ABCC1: variants seen among roughly 807,000 people sequenced by gnomAD.
ABCC1 encodes ATP binding cassette subfamily C member 1 (ABCC1 blood group), also known as multidrug resistance-associated protein 1.
In ABCC1, 83 loss-of-function variants were observed where a neutral mutation model predicts 172.9. The observed-to-expected ratio is 0.48, with a 90% CI of 0.40 to 0.58. The LOEUF (loss-of-function observed/expected upper bound fraction) is 0.58, where lower values mean the gene tolerates loss of function less well. ABCC1 is among the 20% of genes least tolerant of loss of function. ABCC1 has a pLI of 0.00. For synonymous variants in ABCC1, 937 were observed against 825.2 expected (o/e 1.14, Z -2.32); for missense variants, 1,817 against 2,002.7 (o/e 0.91, Z 1.77).
In ABCC1 at chr16:16,048,268, C is replaced by T. The variant is rs1272205696; in HGVS notation, c.1345C>T (p.Leu449=). 6.2e-7 allele frequency: 1 copy of T among 1,614,170 alleles called. No homozygotes were observed. Residue 449 remains leucine (L), a synonymous_variant, in exon 10 of 31, where the codon CTG becomes TTG. Coordinates refer to ENST00000399410, the MANE Select transcript of ABCC1 (RefSeq NM_004996.4). Reference sequence around the variant, plus strand: ...CATTAACATGATCTGGTCAGCCCCCCTGCAAGTCATCCTTGCTCTCTACCT... The same window carrying T: ...CATTAACATGATCTGGTCAGCCCCCTTGCAAGTCATCCTTGCTCTCTACCT... The part of the protein sequence containing the change: ...TYINMIWSAP[L]QVILALYLLW...
intron 29 of ABCC1, 83 bp downstream of exon 29, chr16:16,136,727 T>C: frequency 6.8e-7 from 1 of 1,470,516 alleles, no homozygotes; most frequent in Non-Finnish European, 9.1e-7. Context: ...TCTGTCCAGA[T>C]CTGTGTCACC....
At chr16:16,075,460 A>G (rs1183998006) in intron 14 of ABCC1, among the ~76,000 whole-genome samples, 2 of 151,848 alleles carry the variant, frequency 1.3e-5, no homozygotes, top group Admixed American at 6.6e-5. Flanking sequence ...CCCCACCTCT[A>G]CAAAAAATAC....
rs534890387 is a variant in ABCC1, at chr16:16,083,017, T to C, written c.2116-349T>C. Among the ~76,000 whole-genome samples, 118 of 152,326 alleles carry C rather than the reference T, an allele frequency of 7.7e-4. 1 individual carries two copies. Among genetic ancestry groups the C allele is most frequent in the Middle Eastern group, 3.4e-3 (1 of 294 alleles). On this transcript the variant is annotated intron_variant, in intron 16 of 30. Coordinates refer to ENST00000399410, the MANE Select transcript of ABCC1 (RefSeq NM_004996.4). ...TCCACCGTAACTGTAATCAAGTAGT[T>C]TTCCGTCACCTGAGGGACTTCCACT...
intron 1 of ABCC1, among the ~76,000 whole-genome samples, chr16:15,993,291 G>A (rs1567292489): frequency 6.6e-6 from 1 of 152,158 alleles, no homozygotes; most frequent in Non-Finnish European, 1.5e-5. Context: ...TCCGTCTCTT[G>A]GCTGCCGGGA....
intron 5 of ABCC1, among the ~76,000 whole-genome samples, chr16:16,023,618 C>A (rs1032303470): frequency 1.3e-5 from 2 of 152,176 alleles, no homozygotes; most frequent in Non-Finnish European, 2.9e-5. Flanking sequence ...TTGACCACTG[C>A]CCTGGAGGAG....
chr16:16,064,141 G>A (rs2151939655), intron 12 of ABCC1, among the ~76,000 whole-genome samples: 1 of 152,302 alleles, frequency 6.6e-6, no homozygotes, highest in East Asian at 1.9e-4. Flanking sequence ...TAGGGAGTGG[G>A]CTGGAGTGTA....
chr16:16,073,711 C>G (rs907124715), intron 14 of ABCC1, among the ~76,000 whole-genome samples: 2 of 152,162 alleles, frequency 1.3e-5, no homozygotes, highest in African/African-American at 2.4e-5. Flanking sequence ...GAGCTATGAT[C>G]ATGCCACTGT....
intron 1 of ABCC1, among the ~76,000 whole-genome samples, chr16:15,985,344 T>C (rs1874001): frequency 0.1 from 15,532 of 152,194 alleles, 1,111 homozygotes; most frequent in African/African-American, 0.21. Flanking sequence ...GGTATTGAGA[T>C]GTGAACAAGC....
In ABCC1 at chr16:16,005,090, G is replaced by A. The variant is rs1385237632; in HGVS notation, c.49-2726G>A. Among the ~76,000 whole-genome samples the A allele has an allele frequency of 8.0e-4, 100 of 125,500 alleles. 1 individual carries two copies. Among genetic ancestry groups the A allele is most frequent in the African/African-American group, 2.4e-3 (87 of 36,304 alleles). 82.3% of individuals were successfully genotyped at this position (125,500 alleles called of 152,430 possible). A position where few individuals can be genotyped will look rare whatever the true frequency, so the allele number is the denominator to read the frequency against. On this transcript the variant is annotated intron_variant, in intron 1 of 30. Coordinates refer to ENST00000399410, the MANE Select transcript of ABCC1 (RefSeq NM_004996.4). ...TTAACTTTTTTTTTTTTTTGATATG[G>A]CTTTAAAGCTCTGTGGAGCTGTAAG...
chr16:15,952,716 TAA>T (rs57105111), intron 1 of ABCC1, among the ~76,000 whole-genome samples: 3,395 of 40,134 alleles, frequency 0.085, 195 homozygotes, highest in African/African-American at 0.1. Context: ...GTGAGTTCAT[TAA>T]AAAAAAAAAA....
chr16:15,949,936 G>C, intron 1 of ABCC1, 137 bp downstream of exon 1: 2 of 690,822 alleles, frequency 2.9e-6, no homozygotes, highest in African/African-American at 1.9e-5. Flanking sequence ...CCCTCACGTC[G>C]CCCGCGGCCC....
intron 23 of ABCC1, 31 bp downstream of exon 23, chr16:16,115,107 A>G (rs1455740774): frequency 1.9e-6 from 3 of 1,602,404 alleles, no homozygotes; most frequent in Non-Finnish European, 2.6e-6. Context: ...GTTCGGGACA[A>G]GCCCTACTGT....
intron 19 of ABCC1, 30 bp downstream of exon 19, chr16:16,090,618 CAG>C (rs745606043): frequency 6.5e-7 from 1 of 1,537,822 alleles, no homozygotes; most frequent in South Asian, 1.2e-5. Flanking sequence ...TCCACCCACT[CAG>C]GGTGTCTGGC....
chr16:16,110,345 A>G (rs1289649280), intron 21 of ABCC1, among the ~76,000 whole-genome samples: 4 of 151,834 alleles, frequency 2.6e-5, no homozygotes, highest in Admixed American at 1.3e-4. Context: ...CAGCCCCTCA[A>G]AGTGCTGGGA....
chr16:15,976,206 G>T (rs940407185), intron 1 of ABCC1, among the ~76,000 whole-genome samples: 1 of 152,174 alleles, frequency 6.6e-6, no homozygotes, highest in Non-Finnish European at 1.5e-5. Flanking sequence ...GGCAGACATT[G>T]CAGTGAGCCG....
chr16:16,047,939 G>C (rs2049281822), intron 9 of ABCC1, among the ~76,000 whole-genome samples: 1 of 152,046 alleles, frequency 6.6e-6, no homozygotes, highest in Admixed American at 6.6e-5. Context: ...TTCAAGGTTG[G>C]GAGGCACTGA....
intron 26 of ABCC1, among the ~76,000 whole-genome samples, chr16:16,128,672 A>G (rs2045547031): frequency 6.6e-6 from 1 of 152,186 alleles, no homozygotes; most frequent in African/African-American, 2.4e-5. Flanking sequence ...TAAATTATAA[A>G]ATAGAGATAC....
chr16:16,038,064 A>G (rs74783720), intron 7 of ABCC1, among the ~76,000 whole-genome samples: 2,726 of 113,364 alleles, frequency 0.024, 80 homozygotes, highest in African/African-American at 0.11. Context: ...ATGGATGGAT[A>G]GATGATAGAT....
intron 1 of ABCC1, among the ~76,000 whole-genome samples, chr16:15,988,020 T>G (rs946865436): frequency 2.6e-5 from 4 of 152,140 alleles, no homozygotes; most frequent in Non-Finnish European, 5.9e-5. Flanking sequence ...TGCAGTGGTG[T>G]GATCGCAGAT....
Sources: gnomAD v4.1 joint callset for allele counts (sites outside exome capture counted in the v4.1 genomes callset) on GRCh38, gnomAD v4.1.1 for gene constraint, MANE v1.5 for transcripts, NCBI Gene and HGNC (gene_info 2026-07-23, HGNC 2026-07-21) for gene names.